Variants in FOCAD observed in about 807,000 individuals in gnomAD.
FOCAD encodes the protein focadhesin, also known as KIAA1797.
FOCAD carries 198 observed loss-of-function variants against 225.6 expected under a neutral mutation model. The ratio of observed to expected loss-of-function variants is 0.88; its 90% confidence interval spans 0.78 to 0.99. The LOEUF (loss-of-function observed/expected upper bound fraction) is 0.99. Ranked by LOEUF, FOCAD falls within the 50% of genes least tolerant of loss-of-function variation. FOCAD has a pLI of 0.00. For synonymous variants in FOCAD, 897 were observed against 755.0 expected (o/e 1.19, Z -3.08); for missense variants, 2,713 against 2,123.6 (o/e 1.28, Z -5.46).
intron 6 of FOCAD, among the ~76,000 whole-genome samples, chr9:20,759,012 T>G (rs1351889301): frequency 2.0e-5 from 3 of 152,094 alleles, no homozygotes; most frequent in Non-Finnish European, 4.4e-5. Context: ...GAACTCCCAT[T>G]CACAATTGCT....
At chr9:20,933,417 A>T (rs909334234) in intron 28 of FOCAD, among the ~76,000 whole-genome samples, 1 of 152,198 alleles carries the variant, frequency 6.6e-6, no homozygotes, top group African/African-American at 2.4e-5. Context: ...CTCATAGCTT[A>T]GCTCCCACTT....
At chr9:20,669,923 A>C in intron 2 of FOCAD, among the ~76,000 whole-genome samples, 1 of 152,254 alleles carries the variant, frequency 6.6e-6, no homozygotes, top group East Asian at 1.9e-4. Context: ...ATACTCATGA[A>C]GCCCAGATTC....
intron 28 of FOCAD, 100 bp downstream of exon 28, chr9:20,933,203 T>G (rs1835651045): frequency 2.4e-6 from 2 of 839,922 alleles, no homozygotes; most frequent in Non-Finnish European, 3.8e-6. Context: ...TATTTTTATT[T>G]TTTATTTCCA....
intron 28 of FOCAD, among the ~76,000 whole-genome samples, chr9:20,934,315 A>G (rs551933850): frequency 1.1e-3 from 163 of 152,120 alleles, no homozygotes; most frequent in African/African-American, 3.7e-3. Flanking sequence ...TTCCAGTGTT[A>G]TTTTTAGAAT....
At chr9:20,695,548 G>A (rs926110988) in intron 1 of FOCAD, among the ~76,000 whole-genome samples, 19 of 151,748 alleles carry the variant, frequency 1.3e-4, no homozygotes, top group African/African-American at 2.7e-4. Context: ...ATTTATACAC[G>A]TACACAGTCT....
chr9:20,995,374 A>AAAC (rs1554755442), intron 43 of FOCAD, among the ~76,000 whole-genome samples, 182 bp from the exon 44 acceptor site: 2,337 of 147,904 alleles, frequency 0.016, 58 homozygotes, highest in African/African-American at 0.049. Context: ...AAAAAAAAAA[A>AAAC]AAACAACTTT....
chr9:20,865,857 CT>C, intron 16 of FOCAD, 68 bp from the exon 17 acceptor site: 1 of 1,122,946 alleles, frequency 8.9e-7, no homozygotes, highest in Non-Finnish European at 1.3e-6. Context: ...TTATTTGCTA[CT>C]TTGGATTATT....
intron 1 of FOCAD, among the ~76,000 whole-genome samples, chr9:20,685,493 C>G (rs1023012828): frequency 6.6e-6 from 1 of 152,158 alleles, no homozygotes; most frequent in Non-Finnish European, 1.5e-5. Flanking sequence ...GACTACCAAG[C>G]AAGTGCATGT....
upstream of FOCAD, among the ~76,000 whole-genome samples, chr9:20,682,958 T>G (rs1347037841): frequency 6.6e-6 from 1 of 152,138 alleles, no homozygotes; most frequent in Admixed American, 6.5e-5. Flanking sequence ...GTATGTTTTT[T>G]TTAGTAGAGA....
At chr9:20,684,331 C>A (rs1207615996) in intron 1 of FOCAD, 38 bp downstream of exon 1, 1 of 152,400 alleles carries the variant, frequency 6.6e-6, no homozygotes, top group East Asian at 1.9e-4. Context: ...ACCGCTGCAC[C>A]CCTGCTCGGG....
At chr9:20,958,583 T>C (rs1391864826) in intron 35 of FOCAD, among the ~76,000 whole-genome samples, 1 of 152,166 alleles carries the variant, frequency 6.6e-6, no homozygotes, top group Non-Finnish European at 1.5e-5. Context: ...CTATGTATTA[T>C]TGATAACTAT....
At chr9:20,699,868 G>A (rs1823797681) in intron 1 of FOCAD, among the ~76,000 whole-genome samples, 1 of 122,316 alleles carries the variant, frequency 8.2e-6, no homozygotes, top group Non-Finnish European at 1.6e-5. Flanking sequence ...CCTCCTCCAT[G>A]TTTGTTTAAA....
chr9:20,885,103 T>A lies in FOCAD; in HGVS notation c.2504-6T>A. 1 of 1,414,474 alleles carries A rather than the reference T, an allele frequency of 7.1e-7. No individual in the cohort carries two copies. The highest frequency in any genetic ancestry group is 2.6e-5 in the East Asian group (1 of 38,284). 87.6% of individuals were successfully genotyped at this position (1,414,474 alleles called of 1,614,324 possible). On this transcript the variant is annotated splice_region_variant and splice_polypyrimidine_tract_variant and intron_variant, in intron 20 of 43. Coordinates refer to ENST00000338382, the MANE Select transcript of FOCAD (RefSeq NM_001375567.1). ...TAAAATAAAGTCTATATAATTTTTT[T>A]TAAAGGTGGTATGTTATTTTGCTAT...
At chr9:20,887,942 A>G (rs1242147755) in intron 21 of FOCAD, among the ~76,000 whole-genome samples, 1 of 152,098 alleles carries the variant, frequency 6.6e-6, no homozygotes, top group Non-Finnish European at 1.5e-5. Context: ...TTAATAACTA[A>G]TGATGTTGAA....
intron 15 of FOCAD, among the ~76,000 whole-genome samples, chr9:20,858,534 C>T (rs539972667): frequency 6.6e-6 from 1 of 152,030 alleles, no homozygotes; most frequent in East Asian, 1.9e-4. Context: ...TGATTTTACT[C>T]ATCTTTTCAA....
intron 15 of FOCAD, among the ~76,000 whole-genome samples, chr9:20,832,167 C>T (rs536666106): frequency 3.3e-4 from 50 of 152,080 alleles, no homozygotes; most frequent in East Asian, 1.4e-3. Flanking sequence ...TTCATGTCAA[C>T]GTATGAGTTT....
intron 19 of FOCAD, among the ~76,000 whole-genome samples, chr9:20,876,104 G>T (rs1043749706): frequency 6.6e-6 from 1 of 152,076 alleles, no homozygotes; most frequent in Non-Finnish European, 1.5e-5. Flanking sequence ...ACAGTTCCCT[G>T]CCTCCTTTTA....
intron 16 of FOCAD, among the ~76,000 whole-genome samples, chr9:20,865,053 A>G (rs777420973): frequency 6.6e-6 from 1 of 152,118 alleles, no homozygotes; most frequent in Admixed American, 6.6e-5. Context: ...CTAGTTTCAT[A>G]TCCTTTGTTT....
At chr9:20,853,667 A>G (rs1827889251) in intron 15 of FOCAD, among the ~76,000 whole-genome samples, 1 of 151,772 alleles carries the variant, frequency 6.6e-6, no homozygotes, top group African/African-American at 2.4e-5. Flanking sequence ...TTAGAAAATC[A>G]TCAGAATTAC....
Sources: allele counts gnomAD v4.1 joint callset (sites outside exome capture counted in the v4.1 genomes callset), GRCh38; gene constraint gnomAD v4.1.1; transcripts MANE v1.5; gene names NCBI Gene and HGNC (gene_info 2026-07-23, HGNC 2026-07-21).